The following SP140 variants were observed in gnomAD, a reference collection of about 807,000 sequenced individuals.
SP140 encodes the protein nuclear body protein SP140.
A neutral mutation model predicts 125.0 loss-of-function variants in SP140; 81 were observed. That is an observed-to-expected ratio of 0.65 (90% confidence interval 0.54 to 0.78). SP140 has a LOEUF of 0.78. Ranked by LOEUF, SP140 falls within the 30% of genes least tolerant of loss-of-function variation. The pLI, the probability that SP140 is intolerant of heterozygous loss-of-function variation, is 0.00. For missense variants in SP140, 858 were observed against 1,037.0 expected (o/e 0.83, Z 2.37); for synonymous variants, 312 against 354.0 (o/e 0.88, Z 1.33).
chr2:230,282,724 G>A (rs2055775613), intron 15 of SP140, among the ~76,000 whole-genome samples: 1 of 152,244 alleles, frequency 6.6e-6, no homozygotes, highest in Non-Finnish European at 1.5e-5. Flanking sequence ...TTATGTGAGG[G>A]AGGCAAGTTA....
intron 22 of SP140, among the ~76,000 whole-genome samples, chr2:230,305,817 G>A (rs2033157): frequency 1 from 152,033 of 152,360 alleles, 75,854 homozygotes; most frequent in Middle Eastern, 1. Context: ...ACAGGAGGCT[G>A]AACAAAGGGC....
At chr2:230,215,499 G>T (rs1322696438) in intron 3 of SP140, among the ~76,000 whole-genome samples, 8 of 152,182 alleles carry the variant, frequency 5.3e-5, no homozygotes, top group Admixed American at 5.2e-4. Context: ...TCTAGTGATG[G>T]TCACAGAGGC....
chr2:230,219,388 C>CA lies in SP140; in HGVS notation c.-91+5315dup, dbSNP rs201990571. Among the ~76,000 whole-genome samples the CA allele has an allele frequency of 5.1e-4, 78 of 152,318 alleles. 2 individuals carry two copies. The East Asian group carries it at 0.014, about 28-fold the overall frequency. ...ATGTTCTGAAGGCTGATTTAGTAAT[C>CA]AGTGTCAAATGTCCTAAAACATGTG... On this transcript the variant is annotated intron_variant, in intron 3 of 4. Coordinates refer to the SP140 transcript ENST00000456542.
chr2:230,241,809 C>T (rs556178547), intron 4 of SP140, among the ~76,000 whole-genome samples: 115 of 152,246 alleles, frequency 7.6e-4, no homozygotes, highest in African/African-American at 2.6e-3. Context: ...TCCTACCCTC[C>T]GAGGTTGAGA....
intron 15 of SP140, among the ~76,000 whole-genome samples, chr2:230,278,143 G>A (rs2054998382): frequency 6.6e-6 from 1 of 152,038 alleles, no homozygotes; most frequent in Non-Finnish European, 1.5e-5. Context: ...ACCAACACTT[G>A]TTATCTCCTG....
intron 1 of SP140, among the ~76,000 whole-genome samples, chr2:230,209,457 T>C (rs72982421): frequency 0.079 from 12,011 of 152,140 alleles, 653 homozygotes; most frequent in South Asian, 0.25. Flanking sequence ...AACATTTTAA[T>C]TGAATGGTTA....
chr2:230,227,757 C>T (rs1450064629), intron 1 of SP140, among the ~76,000 whole-genome samples: 5 of 152,146 alleles, frequency 3.3e-5, no homozygotes, highest in Non-Finnish European at 7.4e-5. Flanking sequence ...CCATGGAATT[C>T]GTAGTGATGA....
At chr2:230,234,556 A>G (rs961495012) in intron 1 of SP140, among the ~76,000 whole-genome samples, 1 of 152,194 alleles carries the variant, frequency 6.6e-6, no homozygotes, top group African/African-American at 2.4e-5. Flanking sequence ...CAAGAACTGA[A>G]TGGGTATACA....
intron 6 of SP140, 61 bp from the exon 7 acceptor site, chr2:230,245,802 G>T: frequency 9.5e-7 from 1 of 1,054,968 alleles, no homozygotes; most frequent in Non-Finnish European, 1.5e-6. Flanking sequence ...GCTCAGCATG[G>T]ATCCAGGTAG....
At chr2:230,232,802 C>T (rs1459391300) in intron 1 of SP140, among the ~76,000 whole-genome samples, 1 of 152,078 alleles carries the variant, frequency 6.6e-6, no homozygotes, top group East Asian at 1.9e-4. Flanking sequence ...TTATTTTTAT[C>T]TACTTGAGAA....
chr2:230,198,316 T>C (rs2042972402), upstream of SP140, among the ~76,000 whole-genome samples: 1 of 152,160 alleles, frequency 6.6e-6, no homozygotes, highest in Non-Finnish European at 1.5e-5. Context: ...AGAGCTAGTA[T>C]AGCAGAGCTG....
At chr2:230,315,916 A>G (rs534053006), downstream of SP140, among the ~76,000 whole-genome samples, 5 of 152,330 alleles carry the variant, frequency 3.3e-5, no homozygotes, top group South Asian at 1.0e-3. Flanking sequence ...CTTTATTATA[A>G]TGGGTTAGCA....
rs774981501 is a variant in SP140, at chr2:230,287,911, T to C, written c.1665T>C (p.Pro555=). The part of the protein sequence containing the change: ...SKIRGRKRGK[P]GTRFTQSDRA... ...TCTCAGGGAGAAAGAGAGGCAAACC[T>C]GGAACCCGCTTCACTCAGAGTGACA... Residue 555 remains proline (P), a synonymous_variant, in exon 18 of 27, where the codon CCT becomes CCC. Coordinates refer to ENST00000392045, the MANE Select transcript of SP140 (RefSeq NM_007237.5). 6.8e-6 allele frequency: 11 copies of C among 1,612,006 alleles called. No individual in the cohort carries two copies. The South Asian group carries it at 1.1e-4, about 16-fold the overall frequency.
intron 12 of SP140, among the ~76,000 whole-genome samples, chr2:230,268,219 A>G (rs377304136): frequency 3.3e-5 from 5 of 152,120 alleles, no homozygotes; most frequent in East Asian, 3.8e-4. Context: ...CAGAGATAAG[A>G]CTTTTTAAAA....
chr2:230,220,128 C>T, intron 3 of SP140: 2 of 974,008 alleles, frequency 2.1e-6, no homozygotes, highest in Non-Finnish European at 2.4e-6. Context: ...GCTCCCAGGA[C>T]GTCTTGGCAG....
the SP140 span, among the ~76,000 whole-genome samples, chr2:230,195,082 T>TG: frequency 9.2e-5 from 14 of 152,170 alleles, no homozygotes; most frequent in African/African-American, 3.4e-4. Flanking sequence ...TTTTTGAACT[T>TG]GGCCATATTC....
intron 1 of SP140, among the ~76,000 whole-genome samples, chr2:230,226,930 C>T (rs1033363167): frequency 3.3e-5 from 5 of 152,034 alleles, no homozygotes; most frequent in Non-Finnish European, 7.4e-5. Flanking sequence ...TACAGTATAA[C>T]TATTTGTATA....
chr2:230,220,728 G>A (rs2045741256), intron 3 of SP140, among the ~76,000 whole-genome samples: 1 of 152,152 alleles, frequency 6.6e-6, no homozygotes, highest in South Asian at 2.1e-4. Context: ...TATTGGCCAG[G>A]CACAGTGGCT....
intron 5 of SP140, 146 bp from the exon 6 acceptor site, chr2:230,244,842 A>T: frequency 1.7e-6 from 1 of 572,504 alleles, no homozygotes; most frequent in Non-Finnish European, 3.2e-6. Context: ...AAACAGGCAG[A>T]GCAAGGCTGT....
Sources: allele counts gnomAD v4.1 joint callset (sites outside exome capture counted in the v4.1 genomes callset), GRCh38; gene constraint gnomAD v4.1.1; transcripts MANE v1.5; gene names NCBI Gene and HGNC (gene_info 2026-07-23, HGNC 2026-07-21).